Variants in PCDH11X observed in about 807,000 individuals in gnomAD.
PCDH11X encodes protocadherin 11 X-linked, also known as protocadherin-11 X-linked.
In PCDH11X, 18 loss-of-function variants were observed where a neutral mutation model predicts 53.3. That is an observed-to-expected ratio of 0.34 (90% CI 0.23 to 0.50). The LOEUF (loss-of-function observed/expected upper bound fraction) is 0.50, where lower values mean the gene tolerates loss of function less well. Among genes scored for constraint, PCDH11X ranks in the 20% least tolerant of loss-of-function variants. The probability of loss-of-function intolerance (pLI) is 0.98; values close to 1 mark genes in which losing one functional copy is unlikely to be tolerated. For missense variants in PCDH11X, 570 were observed against 1,032.4 expected, an observed-to-expected ratio of 0.55 and a Z score of 6.14; for synonymous variants, 279 against 393.3, an observed-to-expected ratio of 0.71 and a Z score of 3.44.
At chrX:92,540,044 G>A (rs1263617823) in intron 10 of PCDH11X, among the ~76,000 whole-genome samples, 4 of 110,524 alleles carry the variant, frequency 3.6e-5, no homozygotes, top group Admixed American at 9.6e-5. Context: ...AAGTCCTACC[G>A]TAACCACTAC....
At chrX:92,334,280 GA>G (rs890660328) in intron 8 of PCDH11X, among the ~76,000 whole-genome samples, 3 of 111,541 alleles carry the variant, frequency 2.7e-5, no homozygotes, top group Non-Finnish European at 5.7e-5. Flanking sequence ...ATTTGCAGTT[GA>G]GAGTGATATA....
intron 6 of PCDH11X, among the ~76,000 whole-genome samples, chrX:91,973,106 C>T (rs1316764198): frequency 2.4e-4 from 26 of 108,786 alleles, no homozygotes; most frequent in Admixed American, 4.0e-4. Flanking sequence ...TACTATGCAG[C>T]CATAAAAAAT....
At chrX:92,614,993 G>A (rs971418939) in intron 10 of PCDH11X, among the ~76,000 whole-genome samples, 1 of 111,755 alleles carries the variant, frequency 8.9e-6, no homozygotes, top group African/African-American at 3.3e-5. Context: ...CTGAATGTCT[G>A]AAGATCTGCC....
At chrX:92,108,990 G>A (rs962306937) in intron 6 of PCDH11X, among the ~76,000 whole-genome samples, 1 of 111,996 alleles carries the variant, frequency 8.9e-6, no homozygotes, top group Admixed American at 9.6e-5. Context: ...TGGAGAAAGA[G>A]TAATTCACTC....
At chrX:91,908,067 A>G (rs1022044886) in intron 6 of PCDH11X, among the ~76,000 whole-genome samples, 1 of 111,136 alleles carries the variant, frequency 9.0e-6, no homozygotes, top group African/African-American at 3.3e-5. Context: ...ATGTTTTGCT[A>G]TTGGAAGATA....
At chrX:91,949,261 G>C (rs2061610968) in intron 6 of PCDH11X, among the ~76,000 whole-genome samples, 1 of 109,017 alleles carries the variant, frequency 9.2e-6, no homozygotes, top group Non-Finnish European at 1.9e-5. Context: ...AACAATAACA[G>C]CTTAACAAGT....
At chrX:92,462,815 T>C (rs1336037084) in intron 9 of PCDH11X, among the ~76,000 whole-genome samples, 2 of 106,557 alleles carry the variant, frequency 1.9e-5, no homozygotes, top group African/African-American at 6.9e-5. Context: ...AGCAAAATCT[T>C]TAAAAAGATT....
intron 10 of PCDH11X, among the ~76,000 whole-genome samples, chrX:92,539,696 A>T (rs2074724764): frequency 9.0e-6 from 1 of 111,645 alleles, no homozygotes; most frequent in African/African-American, 3.3e-5. Flanking sequence ...ATATATATTT[A>T]TTGTAGTCTT....
chrX:91,825,486 T>C (rs1441002901), intron 4 of PCDH11X, among the ~76,000 whole-genome samples: 2 of 112,167 alleles, frequency 1.8e-5, no homozygotes, highest in East Asian at 5.7e-4. Context: ...GGGAACTCCC[T>C]GACCCCTTGC....
At chrX:92,125,212 ATAT>A (rs1444918548) in intron 6 of PCDH11X, among the ~76,000 whole-genome samples, 1 of 111,615 alleles carries the variant, frequency 9.0e-6, no homozygotes, top group Non-Finnish European at 1.9e-5. Flanking sequence ...AACATTAGTG[ATAT>A]TATGTCCTTT....
Position 92,266,929 on chromosome X carries a change from G to A in PCDH11X, c.3144+3786G>A, listed in dbSNP as rs773388205. Among the ~76,000 whole-genome samples, 25 of 109,696 alleles carry A rather than the reference G, an allele frequency of 2.3e-4. No homozygotes were observed. The South Asian group carries it at 9.9e-3, about 44-fold the overall frequency. ...CTGGCTAATTTTTGTATTTTTAATA[G>A]AGACGAGGGTTCACCATGTTGGCCA... On this transcript the variant is annotated intron_variant, in intron 8 of 10. Transcript: ENST00000682573.
intron 10 of PCDH11X, among the ~76,000 whole-genome samples, chrX:92,501,324 C>T (rs1227972445): frequency 9.0e-6 from 1 of 111,690 alleles, no homozygotes; most frequent in Admixed American, 9.5e-5. Flanking sequence ...TTCATTCCTA[C>T]TAAAACTATT....
chrX:91,817,413 A>G (rs1171813802), intron 4 of PCDH11X, among the ~76,000 whole-genome samples: 2 of 104,476 alleles, frequency 1.9e-5, no homozygotes, highest in Non-Finnish European at 3.9e-5. Flanking sequence ...TTACTGTACT[A>G]TTTAATTTTA....
intron 6 of PCDH11X, among the ~76,000 whole-genome samples, chrX:92,088,225 C>G (rs1428419537): frequency 9.0e-6 from 1 of 110,552 alleles, no homozygotes; most frequent in African/African-American, 3.3e-5. Context: ...ATATATAACT[C>G]TGAGCAACAC....
Position 91,886,759 on chromosome X carries a change from C to T in PCDH11X, c.3033+7486C>T, listed in dbSNP as rs765122216. ...GGCCAAGGCGGGAGGATCACAAGGTCAGGAGATCGAGACCATCCTGGCTAA... is the reference window on the plus strand; with the variant it reads ...GGCCAAGGCGGGAGGATCACAAGGTTAGGAGATCGAGACCATCCTGGCTAA... On this transcript the variant is annotated intron_variant, in intron 6 of 10. Transcript: ENST00000682573. Among the ~76,000 whole-genome samples, 3 of 109,158 alleles carry T rather than the reference C, an allele frequency of 2.7e-5. No individual in the cohort carries two copies. In the South Asian group the frequency reaches 1.2e-3, roughly 43 times the overall value. The allele number at this position is 109,158 out of a possible 115,157, so 94.8% of individuals were successfully genotyped here. A position where few individuals can be genotyped will look rare whatever the true frequency, so the allele number is the denominator to read the frequency against.
At chrX:92,414,921 A>T (rs2071774856) in intron 9 of PCDH11X, among the ~76,000 whole-genome samples, 1 of 110,347 alleles carries the variant, frequency 9.1e-6, no homozygotes. Flanking sequence ...TGAAAATTTC[A>T]TTTTCAGAAG....
chrX:92,617,499 T>C (rs1454541588), intron 10 of PCDH11X, among the ~76,000 whole-genome samples: 2 of 111,260 alleles, frequency 1.8e-5, no homozygotes, highest in African/African-American at 6.5e-5. Context: ...TTATACTGGA[T>C]AGCATTTCTT....
At position 92,065,746 on chromosome X, in the gene PCDH11X, A is replaced by G. The variant is rs1045308074; in HGVS notation, c.3034-135629A>G. ...CTAGAGTTGTTTGAGCTCCTTATATATTCTGATTATGAATCTCTTGTCAGA... is the reference window on the plus strand; with the variant it reads ...CTAGAGTTGTTTGAGCTCCTTATATGTTCTGATTATGAATCTCTTGTCAGA... On this transcript the variant is annotated intron_variant, in intron 6 of 10. Transcript: ENST00000682573. Among the ~76,000 whole-genome samples the G allele has an allele frequency of 2.8e-5, 3 of 108,887 alleles. No individual in the cohort carries two copies. In the Admixed American group the frequency reaches 3.0e-4, roughly 11 times the overall value. The allele number at this position is 108,887 out of a possible 115,157, so 94.6% of individuals were successfully genotyped here.
intron 6 of PCDH11X, among the ~76,000 whole-genome samples, chrX:92,194,959 A>G (rs924237566): frequency 3.6e-5 from 4 of 111,314 alleles, no homozygotes; most frequent in African/African-American, 6.5e-5. Flanking sequence ...TGCTGGGGGG[A>G]AATCATGCTG....
Sources: allele counts gnomAD v4.1 joint callset (sites outside exome capture counted in the v4.1 genomes callset), GRCh38; gene constraint gnomAD v4.1.1; transcripts MANE v1.5; gene names NCBI Gene and HGNC (gene_info 2026-07-23, HGNC 2026-07-21).